Variants in IPCEF1 observed in about 807,000 individuals in gnomAD.
IPCEF1 encodes the protein interactor protein for cytohesin exchange factors 1.
A neutral mutation model predicts 50.9 loss-of-function variants in IPCEF1; 31 were observed. The ratio of observed to expected loss-of-function variants is 0.61; its 90% CI spans 0.46 to 0.82. IPCEF1 has a LOEUF of 0.82. Among genes scored for constraint, IPCEF1 ranks in the 40% least tolerant of loss-of-function variants. IPCEF1 has a pLI of 0.00. For synonymous variants in IPCEF1, 181 were observed against 192.0 expected (o/e 0.94, Z 0.47); for missense variants, 458 against 514.0 (o/e 0.89, Z 1.05).
intron 10 of IPCEF1, among the ~76,000 whole-genome samples, chr6:154,186,052 C>T (rs555346338): frequency 6.6e-6 from 1 of 152,348 alleles, no homozygotes; most frequent in South Asian, 2.1e-4. Flanking sequence ...TGACCTCTTC[C>T]TTCTCTGTGT....
intron 1 of IPCEF1, among the ~76,000 whole-genome samples, chr6:154,342,855 G>A (rs147482046): frequency 1.1e-3 from 169 of 152,342 alleles, no homozygotes; most frequent in African/African-American, 3.9e-3. Context: ...GCTTATGCCT[G>A]TAATCCCAGC....
chr6:154,302,292 C>A (rs948570009), intron 1 of IPCEF1, among the ~76,000 whole-genome samples: 28 of 152,184 alleles, frequency 1.8e-4, no homozygotes, highest in African/African-American at 6.8e-4. Context: ...ACGCTCACTT[C>A]GAGAGGCAGC....
At chr6:154,337,255 G>C (rs866357058) in intron 1 of IPCEF1, among the ~76,000 whole-genome samples, 5 of 152,104 alleles carry the variant, frequency 3.3e-5, no homozygotes, top group Admixed American at 1.3e-4. Flanking sequence ...TCAAAATAGA[G>C]CAAAAGCGGA....
chr6:154,227,026 A>G (rs1055424866), intron 5 of IPCEF1, among the ~76,000 whole-genome samples: 7 of 151,886 alleles, frequency 4.6e-5, no homozygotes, highest in African/African-American at 1.7e-4. Flanking sequence ...GTGAAACTCT[A>G]TCTCTACTAA....
At chr6:154,267,143 A>AG (rs1781776917) in intron 2 of IPCEF1, among the ~76,000 whole-genome samples, 1 of 17,460 alleles carries the variant, frequency 5.7e-5, no homozygotes. Flanking sequence ...ATTTCTTAAA[A>AG]AAAAATTAAA....
At chr6:154,287,823 T>C (rs1272400435) in intron 2 of IPCEF1, among the ~76,000 whole-genome samples, 1 of 152,190 alleles carries the variant, frequency 6.6e-6, no homozygotes, top group Non-Finnish European at 1.5e-5. Context: ...CACCCACTTT[T>C]GTCAATACCT....
chr6:154,291,621 G>A (rs1782514135), intron 1 of IPCEF1, among the ~76,000 whole-genome samples: 1 of 148,814 alleles, frequency 6.7e-6, no homozygotes, highest in African/African-American at 2.5e-5. Flanking sequence ...ACTTCAGCAT[G>A]TACCTCCTAA....
At chr6:154,191,035 G>T (rs574809922) in intron 10 of IPCEF1, among the ~76,000 whole-genome samples, 1 of 152,008 alleles carries the variant, frequency 6.6e-6, no homozygotes, top group Non-Finnish European at 1.5e-5. Flanking sequence ...CAGCCTGGAC[G>T]ACAGAGAGAG....
intron 2 of IPCEF1, among the ~76,000 whole-genome samples, chr6:154,285,808 T>G (rs1229951588): frequency 1.3e-5 from 2 of 152,194 alleles, no homozygotes; most frequent in Non-Finnish European, 2.9e-5. Flanking sequence ...GTTGTTTCTT[T>G]ATTAGAGGTG....
chr6:154,189,141 T>C (rs1265523507), intron 10 of IPCEF1, among the ~76,000 whole-genome samples: 2 of 152,100 alleles, frequency 1.3e-5, no homozygotes, highest in East Asian at 1.9e-4. Context: ...AAAACACCTA[T>C]AAAGGTATGG....
intron 1 of IPCEF1, among the ~76,000 whole-genome samples, chr6:154,316,521 GA>G (rs929104761): frequency 4.6e-5 from 7 of 152,136 alleles, no homozygotes; most frequent in African/African-American, 1.7e-4. Context: ...GCCAGACACA[GA>G]AAAACCAATA....
chr6:154,186,642 C>T (rs1350486284), intron 10 of IPCEF1, among the ~76,000 whole-genome samples: 2 of 152,106 alleles, frequency 1.3e-5, no homozygotes, highest in African/African-American at 4.8e-5. Context: ...CTGCAAGCTC[C>T]GCCTCCCGGG....
In IPCEF1 at chr6:154,243,904, G is replaced by A. The variant is rs1780804649; in HGVS notation, c.246+2687C>T. Among the ~76,000 whole-genome samples, 2 of 152,154 alleles carry A rather than the reference G, an allele frequency of 1.3e-5. 1 individual carries two copies. Among genetic ancestry groups the A allele is most frequent in the South Asian group, 4.1e-4 (2 of 4,820 alleles). On this transcript the variant is annotated intron_variant, in intron 5 of 11. Transcript: ENST00000367220. ...GGGTGATTTTGAGGAGTAAATGAGAGCATATATGCAAGGTACCTTGAATCA... is the reference window on the plus strand; with the variant it reads ...GGGTGATTTTGAGGAGTAAATGAGAACATATATGCAAGGTACCTTGAATCA...
intron 11 of IPCEF1, among the ~76,000 whole-genome samples, chr6:154,166,612 T>C (rs1799455042): frequency 6.6e-6 from 1 of 152,168 alleles, no homozygotes. Flanking sequence ...CCAGAGTATT[T>C]TTGCACTTCA....
intron 3 of IPCEF1, among the ~76,000 whole-genome samples, chr6:154,255,436 T>C (rs1423951922): frequency 1.3e-5 from 2 of 152,240 alleles, no homozygotes; most frequent in Non-Finnish European, 2.9e-5. Context: ...ACTTGATTTT[T>C]CTTTTCACTC....
intron 9 of IPCEF1, among the ~76,000 whole-genome samples, chr6:154,208,546 A>T (rs1461604910): frequency 2.0e-5 from 3 of 152,216 alleles, no homozygotes; most frequent in Non-Finnish European, 4.4e-5. Flanking sequence ...TGGCTCCATG[A>T]TGAACATGAA....
chr6:154,336,530 T>G (rs760181254), intron 1 of IPCEF1, among the ~76,000 whole-genome samples: 1 of 152,104 alleles, frequency 6.6e-6, no homozygotes, highest in Non-Finnish European at 1.5e-5. Context: ...GTATGTGTGT[T>G]GGGAGGATGA....
intron 3 of IPCEF1, among the ~76,000 whole-genome samples, chr6:154,264,221 CA>C (rs1781693811): frequency 6.6e-6 from 1 of 151,526 alleles, no homozygotes; most frequent in Non-Finnish European, 1.5e-5. Flanking sequence ...AAATATCCTA[CA>C]ATGCATGACT....
chr6:154,316,895 A>T lies in IPCEF1; in HGVS notation c.-61-27139T>A, dbSNP rs1783233580. ...AGATACAATTTTCTCAATTAAAATTAATTAGTTAATTGGAATAATAATAAT... is the reference window on the plus strand; with the variant it reads ...AGATACAATTTTCTCAATTAAAATTTATTAGTTAATTGGAATAATAATAAT... On this transcript the variant is annotated intron_variant, in intron 1 of 11. Coordinates refer to ENST00000367220, the MANE Select transcript of IPCEF1 (RefSeq NM_001130700.2). Among the ~76,000 whole-genome samples the T allele has an allele frequency of 2.0e-5, 3 of 152,234 alleles. No individual in the cohort carries two copies. The South Asian group carries it at 6.2e-4, about 31-fold the overall frequency.
Sources: gnomAD v4.1 joint callset for allele counts (sites outside exome capture counted in the v4.1 genomes callset) on GRCh38, gnomAD v4.1.1 for gene constraint, MANE v1.5 for transcripts, NCBI Gene and HGNC (gene_info 2026-07-23, HGNC 2026-07-21) for gene names.